SCRG1: variants seen among roughly 807,000 people sequenced by gnomAD.
The protein encoded by SCRG1 is scrapie-responsive protein 1.
A neutral mutation model predicts 7.7 loss-of-function variants in SCRG1; 3 were observed. The observed-to-expected ratio is 0.39, with a 90% confidence interval of 0.18 to 1.01. The LOEUF (loss-of-function observed/expected upper bound fraction) is 1.01, where lower values mean the gene tolerates loss of function less well. Ranked by LOEUF, SCRG1 falls within the 50% of genes least tolerant of loss-of-function variation. SCRG1 has a pLI of 0.36. For synonymous variants in SCRG1, 46 were observed against 41.2 expected, an observed-to-expected ratio of 1.12 and a Z score of -0.44; for missense variants, 110 against 117.2, an observed-to-expected ratio of 0.94 and a Z score of 0.28.
At chr4:173,476,363 A>AATAT in the SCRG1 span, among the ~76,000 whole-genome samples, 2,595 of 98,476 alleles carry the variant, frequency 0.026, 132 homozygotes, top group African/African-American at 0.073. Context: ...GGAAAAAAAA[A>AATAT]ATATATATAT....
Position 173,389,648 on chromosome 4 carries a change from A to G in SCRG1, c.243-1253T>C, listed in dbSNP as rs185077637. ...GGGAGGAGTCCAAGGATGGATATGC[A>G]ATTTTAAAAACTCAGGTGATGCTGA... On this transcript the variant is annotated intron_variant, in intron 2 of 2. Coordinates refer to ENST00000296506, the MANE Select transcript of SCRG1 (RefSeq NM_007281.4). The G allele has an allele frequency of 2.2e-5, 4 of 179,572 alleles. No homozygotes were observed. In the East Asian group the frequency reaches 6.0e-4, roughly 27 times the overall value. 11.1% of individuals were successfully genotyped at this position (179,572 alleles called of 1,614,324 possible).
At chr4:173,419,715 T>A in the SCRG1 span, 1 of 949,410 alleles carries the variant, frequency 1.1e-6, no homozygotes, top group Non-Finnish European at 1.7e-6. Flanking sequence ...TTGCCAGTGG[T>A]AGTTCTGGCA....
the SCRG1 span, among the ~76,000 whole-genome samples, chr4:173,491,217 C>CT: frequency 0.15 from 19,273 of 132,870 alleles, 1,547 homozygotes; most frequent in Middle Eastern, 0.25. Flanking sequence ...CTCTCTCTCT[C>CT]TTTTTTTTTT....
At chr4:173,465,856 A>G in the SCRG1 span, among the ~76,000 whole-genome samples, 1 of 151,982 alleles carries the variant, frequency 6.6e-6, no homozygotes, top group Non-Finnish European at 1.5e-5. Context: ...TCACTTCCAC[A>G]TATGAATGAG....
chr4:173,457,828 G>A, the SCRG1 span, among the ~76,000 whole-genome samples: 1 of 152,144 alleles, frequency 6.6e-6, no homozygotes, highest in African/African-American at 2.4e-5. Context: ...TCCTGTAGTG[G>A]TGTCCTGCTG....
chr4:173,476,821 TA>T, the SCRG1 span, among the ~76,000 whole-genome samples: 1 of 151,702 alleles, frequency 6.6e-6, no homozygotes, highest in Non-Finnish European at 1.5e-5. Flanking sequence ...ATCCCATCTC[TA>T]AAAAAGAAAA....
the SCRG1 span, among the ~76,000 whole-genome samples, chr4:173,481,793 A>T: frequency 6.6e-6 from 1 of 152,200 alleles, no homozygotes; most frequent in African/African-American, 2.4e-5. Context: ...AGAATACAGT[A>T]TATAATACAT....
At chr4:173,409,001 A>G (rs1739982027), upstream of SCRG1, among the ~76,000 whole-genome samples, 1 of 150,988 alleles carries the variant, frequency 6.6e-6, no homozygotes, top group African/African-American at 2.4e-5. Context: ...CAAAAAAAAA[A>G]AAAAAAAAAA....
At chr4:173,414,008 A>G in the SCRG1 span, among the ~76,000 whole-genome samples, 2 of 152,224 alleles carry the variant, frequency 1.3e-5, no homozygotes, top group Non-Finnish European at 2.9e-5. Context: ...GATTGAGGGA[A>G]CAAGTTTGGA....
At chr4:173,412,458 GA>G in the SCRG1 span, among the ~76,000 whole-genome samples, 1 of 152,074 alleles carries the variant, frequency 6.6e-6, no homozygotes, top group Non-Finnish European at 1.5e-5. Context: ...TTGATTCCCG[GA>G]AGGAGCTACT....
the SCRG1 span, among the ~76,000 whole-genome samples, chr4:173,430,830 A>AG: frequency 5.2e-4 from 62 of 120,286 alleles, no homozygotes; most frequent in Non-Finnish European, 9.0e-4. Context: ...AAAAAAAAAA[A>AG]AGAGAGAGAG....
At chr4:173,518,936 G>A in the SCRG1 span, among the ~76,000 whole-genome samples, 1 of 148,026 alleles carries the variant, frequency 6.8e-6, no homozygotes, top group Non-Finnish European at 1.5e-5. Context: ...CCCGAGATAC[G>A]CTAGAGTTGC....
chr4:173,473,786 T>G, the SCRG1 span, among the ~76,000 whole-genome samples: 1 of 152,160 alleles, frequency 6.6e-6, no homozygotes, highest in East Asian at 1.9e-4. Flanking sequence ...CTAAAGAGCT[T>G]GAATACATCC....
At chr4:173,438,771 G>A in the SCRG1 span, among the ~76,000 whole-genome samples, 1 of 150,900 alleles carries the variant, frequency 6.6e-6, no homozygotes, top group Non-Finnish European at 1.5e-5. Flanking sequence ...GGACTTAATA[G>A]ATTTACCTAA....
At chr4:173,494,527 AT>A in the SCRG1 span, among the ~76,000 whole-genome samples, 1 of 152,228 alleles carries the variant, frequency 6.6e-6, no homozygotes, top group African/African-American at 2.4e-5. Flanking sequence ...AAGCAAGGAA[AT>A]CCTCCAGCTC....
chr4:173,419,540 A>G, the SCRG1 span: 3 of 730,584 alleles, frequency 4.1e-6, no homozygotes, highest in Non-Finnish European at 7.4e-6. Context: ...CTTCTGGCCC[A>G]TGATGTGCTT....
chr4:173,419,599 G>A, the SCRG1 span: 1 of 723,712 alleles, frequency 1.4e-6, no homozygotes. Context: ...CATAACCAAG[G>A]ATTCATTTGG....
At chr4:173,484,009 T>G in the SCRG1 span, among the ~76,000 whole-genome samples, 2 of 91,170 alleles carry the variant, frequency 2.2e-5, no homozygotes, top group Non-Finnish European at 3.8e-5. Flanking sequence ...ATATTACATA[T>G]TATATAATAT....
At chr4:173,516,517 T>C in the SCRG1 span, among the ~76,000 whole-genome samples, 3 of 152,258 alleles carry the variant, frequency 2.0e-5, no homozygotes, top group Non-Finnish European at 4.4e-5. Flanking sequence ...CGCTCTCGTT[T>C]ACGCCCAATC....
Sources: gnomAD v4.1 joint callset for allele counts (sites outside exome capture counted in the v4.1 genomes callset) on GRCh38, gnomAD v4.1.1 for gene constraint, MANE v1.5 for transcripts, NCBI Gene and HGNC (gene_info 2026-07-23, HGNC 2026-07-21) for gene names.